Variants in BFAR observed in about 807,000 individuals in gnomAD.
BFAR encodes RING finger protein 47.
In BFAR, 52 loss-of-function variants were observed where a neutral mutation model predicts 54.4. The observed-to-expected ratio is 0.96, with a 90% CI of 0.77 to 1.21. BFAR has a LOEUF of 1.21. Among genes scored for constraint, BFAR ranks in the 50% most tolerant of loss-of-function variants. BFAR has a pLI of 0.00. For missense variants in BFAR, 571 were observed against 534.0 expected, an observed-to-expected ratio of 1.07 and a Z score of -0.68; for synonymous variants, 215 against 204.3, an observed-to-expected ratio of 1.05 and a Z score of -0.45.
rs1270380398 is a variant in BFAR, at chr16:14,648,512, G to C, written c.388G>C (p.Ala130Pro). The change falls in exon 3 of 8, where the codon GCT becomes CCT. Residue 130 changes from alanine to proline, a missense_variant. Ala to Pro is a conservative substitution (Grantham distance 27, BLOSUM62 -1). Transcript: ENST00000261658. The stretch of plus-strand genomic sequence containing the variant: ...ATATGGGAATGATCAGATTCCTTTA[G>C]CTCCTAACACAGGCCGAGCGAATCA... ...QKYGNDQIPL[A>P]PNTGRANQQM... 1.9e-6 allele frequency: 3 copies of C among 1,613,872 alleles called. No homozygotes were observed. In the Admixed American group the frequency reaches 5.0e-5, roughly 27 times the overall value.
chr16:14,654,542 C>T (rs1416436930), intron 4 of BFAR, among the ~76,000 whole-genome samples: 2 of 137,790 alleles, frequency 1.5e-5, no homozygotes, highest in Admixed American at 8.0e-5. Flanking sequence ...ACTCTGTTGC[C>T]TGGGCTGAAG....
chr16:14,656,915 C>A (rs376190119), intron 5 of BFAR, among the ~76,000 whole-genome samples: 16 of 152,010 alleles, frequency 1.1e-4, no homozygotes, highest in East Asian at 7.8e-4. Flanking sequence ...CCAGCCTGAC[C>A]AACATGGTGA....
In BFAR at chr16:14,667,955, T is replaced by C. The variant is rs997281943; in HGVS notation, c.*128T>C. The C allele has an allele frequency of 2.0e-6, 2 of 1,016,322 alleles. No homozygotes were observed. The highest frequency in any genetic ancestry group is 2.9e-6 in the Non-Finnish European group (2 of 689,512). The allele number at this position is 1,016,322 out of a possible 1,614,324, so 63.0% of individuals were successfully genotyped here. On this transcript the variant is annotated 3_prime_UTR_variant, in exon 8 of 8. Transcript: ENST00000261658. ...GTAAAACAAGGTGCTGCTTTGTATA[T>C]CAAAAGCTCCAACCATGTCCTCTCC...
Position 14,664,902 on chromosome 16 carries a change from G to C in BFAR, c.991G>C (p.Glu331Gln). 1 of 1,614,112 alleles carries C rather than the reference G, an allele frequency of 6.2e-7. No homozygotes were observed. The highest frequency in any genetic ancestry group is 1.1e-5 in the South Asian group (1 of 91,078). ...GGAGCCTACGTGGAAGCAGTGGAGA[G>C]AGTTCCTGGTCAAATACTCCTTCCT... ...LKEPTWKQWR[E>Q]FLVKYSFLPY... Residue 331 changes from glutamate (E) to glutamine (Q), a missense_variant, in exon 7 of 8, where the codon GAG (glutamate) becomes CAG (glutamine). Coordinates refer to ENST00000261658, the MANE Select transcript of BFAR (RefSeq NM_016561.3).
intron 1 of BFAR, among the ~76,000 whole-genome samples, chr16:14,640,690 G>A (rs1304183912): frequency 1.3e-5 from 2 of 152,168 alleles, no homozygotes; most frequent in Non-Finnish European, 2.9e-5. Context: ...GCGTCACCGT[G>A]GTGAGGCTCA....
chr16:14,645,723 G>A (rs1022787352), intron 2 of BFAR, among the ~76,000 whole-genome samples: 6 of 152,164 alleles, frequency 3.9e-5, no homozygotes, highest in Admixed American at 2.0e-4. Flanking sequence ...GGTTCTTTGT[G>A]TATAACTGAA....
intron 1 of BFAR, among the ~76,000 whole-genome samples, chr16:14,641,172 T>G (rs1002098089): frequency 5.9e-5 from 9 of 152,228 alleles, no homozygotes; most frequent in Admixed American, 5.9e-4. Flanking sequence ...AGTTATGATT[T>G]CCTAAACACA....
At position 14,644,277 on chromosome 16, in the gene BFAR, AATG is replaced by A; in HGVS notation, c.-66_-64del. 2 of 1,438,080 alleles carry A rather than the reference AATG, an allele frequency of 1.4e-6. No homozygotes were observed. The highest frequency in any genetic ancestry group is 2.5e-5 in the South Asian group (2 of 80,522). The allele number at this position is 1,438,080 out of a possible 1,614,324, so 89.1% of individuals were successfully genotyped here. A position where few individuals can be genotyped will look rare whatever the true frequency, so the allele number is the denominator to read the frequency against. ...TGTCTCTGTTTTTTTTTTCTAGATT[AATG>A]ATGTTTTGCAGCAGTTTTCTACGTC... On this transcript the variant is annotated 5_prime_UTR_variant, in exon 2 of 8. An upstream start codon of the reference 5' UTR is lost. Coordinates refer to ENST00000261658, the MANE Select transcript of BFAR (RefSeq NM_016561.3).
At chr16:14,648,155 G>A (rs1055756775) in intron 2 of BFAR, among the ~76,000 whole-genome samples, 1 of 152,154 alleles carries the variant, frequency 6.6e-6, no homozygotes, top group African/African-American at 2.4e-5. Context: ...ACTCCAGCCT[G>A]GGCGACAGAG....
intron 3 of BFAR, among the ~76,000 whole-genome samples, chr16:14,649,454 G>A (rs755402787): frequency 1.3e-5 from 2 of 152,154 alleles, no homozygotes; most frequent in Non-Finnish European, 2.9e-5. Flanking sequence ...AAAGTTCTGT[G>A]CATAAAAAAT....
At position 14,644,259 on chromosome 16, in the gene BFAR, G is replaced by GTTTT; in HGVS notation, c.-73-8_-73-5dup. ...TACTATTTGCCTTATTTTTGTCTCT[G>GTTTT]TTTTTTTTTTCTAGATTAATGATGT... On this transcript the variant is annotated splice_polypyrimidine_tract_variant and intron_variant, in intron 1 of 7. Coordinates refer to ENST00000261658, the MANE Select transcript of BFAR (RefSeq NM_016561.3). 8.4e-7 allele frequency: 1 copy of GTTTT among 1,197,242 alleles called. No homozygotes were observed. The highest frequency in any genetic ancestry group is 1.2e-6 in the Non-Finnish European group (1 of 868,344). The allele number at this position is 1,197,242 out of a possible 1,614,324, so 74.2% of individuals were successfully genotyped here. A position where few individuals can be genotyped will look rare whatever the true frequency, so the allele number is the denominator to read the frequency against.
Position 14,648,377 on chromosome 16 carries a change from A to C in BFAR, c.264-11A>C. The C allele has an allele frequency of 6.3e-7, 1 of 1,586,414 alleles. No homozygotes were observed. The highest frequency in any genetic ancestry group is 8.6e-7 in the Non-Finnish European group (1 of 1,165,802). ...ACAACTGTCTTAATTTTTTTTTTCT[A>C]TTCTCCATAGGGATGCCATTGAAAA... is the stretch of plus-strand genomic sequence containing the variant. On this transcript the variant is annotated splice_polypyrimidine_tract_variant and intron_variant, in intron 2 of 7. Coordinates refer to ENST00000261658, the MANE Select transcript of BFAR (RefSeq NM_016561.3).
At chr16:14,644,717 G>A in intron 2 of BFAR, 108 bp downstream of exon 2, 1 of 1,370,502 alleles carries the variant, frequency 7.3e-7, no homozygotes, top group Admixed American at 2.1e-5. Flanking sequence ...ATGTTGCCCA[G>A]GCTGGTCTCA....
chr16:14,658,036 T>A (rs933678906), intron 5 of BFAR, among the ~76,000 whole-genome samples: 7 of 152,164 alleles, frequency 4.6e-5, no homozygotes, highest in African/African-American at 1.4e-4. Context: ...CCTGGGGAAC[T>A]GGGGTTTGTC....
chr16:14,668,414 C>T lies in BFAR; in HGVS notation c.*587C>T, dbSNP rs1960503536. The T allele has an allele frequency of 6.5e-6, 1 of 152,840 alleles. No individual in the cohort carries two copies. The highest frequency in any genetic ancestry group is 6.5e-5 in the Admixed American group (1 of 15,360). The allele number at this position is 152,840 out of a possible 1,614,324, so 9.5% of individuals were successfully genotyped here. On this transcript the variant is annotated 3_prime_UTR_variant, in exon 8 of 8. Coordinates refer to ENST00000261658, the MANE Select transcript of BFAR (RefSeq NM_016561.3). ...TAAAACTCAAAGGATTCAGTTTGAG[C>T]CTAGAATGATGGTTAGACTTGTAGT...
intron 1 of BFAR, among the ~76,000 whole-genome samples, chr16:14,634,493 A>G (rs561689804): frequency 1.4e-3 from 214 of 152,306 alleles, no homozygotes; most frequent in Non-Finnish European, 2.2e-3. Context: ...GATCAGCCCC[A>G]CACAGCAAAC....
rs571115566 is a variant in BFAR, at chr16:14,651,754, A to G, written c.638+1781A>G. Among the ~76,000 whole-genome samples the G allele has an allele frequency of 6.4e-4, 97 of 152,012 alleles. 1 individual carries two copies. The highest frequency in any genetic ancestry group is 1.1e-3 in the Non-Finnish European group (77 of 68,006). On this transcript the variant is annotated intron_variant, in intron 4 of 7. Coordinates refer to ENST00000261658, the MANE Select transcript of BFAR (RefSeq NM_016561.3). ...CTGAGCTTCCCAAAATGTTGTGATT[A>G]TAGGCATGAGCCCCCGCACCCTCCT...
At chr16:14,651,290 C>T (rs1959959715) in intron 4 of BFAR, among the ~76,000 whole-genome samples, 1 of 152,172 alleles carries the variant, frequency 6.6e-6, no homozygotes, top group South Asian at 2.1e-4. Flanking sequence ...TCACAGAACT[C>T]AAGGAAACAC....
chr16:14,665,278 T>C, intron 7 of BFAR: 1 of 589,092 alleles, frequency 1.7e-6, no homozygotes. Context: ...TTGTTAAAAG[T>C]ATTTTCCTAT....
Sources: gnomAD v4.1 joint callset for allele counts (sites outside exome capture counted in the v4.1 genomes callset) on GRCh38, gnomAD v4.1.1 for gene constraint, MANE v1.5 for transcripts, NCBI Gene and HGNC (gene_info 2026-07-23, HGNC 2026-07-21) for gene names.